Variants in PCDH15 observed in about 807,000 individuals in gnomAD.
PCDH15 encodes protocadherin related 15.
Under a neutral mutation model 178.5 loss-of-function variants are expected in PCDH15, and 129 were observed. That is an observed-to-expected ratio of 0.72 (90% CI 0.63 to 0.84). The LOEUF is 0.84. Ranked by LOEUF, PCDH15 falls within the 40% of genes least tolerant of loss-of-function variation. PCDH15 has a pLI of 0.00. For synonymous variants in PCDH15, 800 were observed against 732.0 expected, an observed-to-expected ratio of 1.09 and a Z score of -1.50; for missense variants, 2,230 against 2,099.9, an observed-to-expected ratio of 1.06 and a Z score of -1.21.
chr10:54,109,105 T>C (rs2094967704), intron 15 of PCDH15, among the ~76,000 whole-genome samples: 1 of 152,166 alleles, frequency 6.6e-6, no homozygotes, highest in African/African-American at 2.4e-5. Context: ...AGACTCCTTC[T>C]GCTTGAGAAA....
Position 55,111,945 on chromosome 10 carries a change from T to G in PCDH15, c.-80+54631A>C, listed in dbSNP as rs563587169. ...CATTATGATTACGTGCTGCATTCAA[T>G]AAGGTATGCAAATAATAATACATAA... On this transcript the variant is annotated intron_variant, in intron 2 of 5. Transcript: ENST00000458638. Among the ~76,000 whole-genome samples the G allele has an allele frequency of 1.1e-4, 16 of 152,312 alleles. 1 individual carries two copies. In the South Asian group the frequency reaches 3.1e-3, roughly 30 times the overall value.
At chr10:55,254,323 G>A (rs990408850) in intron 1 of PCDH15, among the ~76,000 whole-genome samples, 2 of 152,256 alleles carry the variant, frequency 1.3e-5, no homozygotes, top group East Asian at 1.9e-4. Context: ...GTTATAAAAT[G>A]GATGTCTCTT....
intron 18 of PCDH15, among the ~76,000 whole-genome samples, chr10:54,041,930 C>G (rs2093555635): frequency 6.6e-6 from 1 of 152,060 alleles, no homozygotes; most frequent in Non-Finnish European, 1.5e-5. Flanking sequence ...ACAATAGATA[C>G]AGTACCTCTT....
intron 2 of PCDH15, among the ~76,000 whole-genome samples, chr10:54,576,941 C>A (rs1470102933): frequency 9.8e-5 from 2 of 20,424 alleles, no homozygotes; most frequent in African/African-American, 2.2e-4. Flanking sequence ...TTAAAGACCA[C>A]CAAGTTATTT....
intron 1 of PCDH15, among the ~76,000 whole-genome samples, chr10:54,754,057 T>C (rs1452050093): frequency 6.6e-6 from 1 of 151,744 alleles, no homozygotes; most frequent in African/African-American, 2.4e-5. Context: ...CTCGATCTCC[T>C]GACCTCGTGA....
In PCDH15 at chr10:55,068,004, G is replaced by C. The variant is rs144004796; in HGVS notation, c.-80+98572C>G. ...CTGAATATTGTTCTCCTGTAAAATA[G>C]GTAGTTTCAAAATATTTTCTTATAT... On this transcript the variant is annotated intron_variant, in intron 2 of 5. Coordinates refer to the PCDH15 transcript ENST00000458638. Among the ~76,000 whole-genome samples the C allele has an allele frequency of 3.3e-5, 5 of 151,952 alleles. No homozygotes were observed. The East Asian group carries it at 9.7e-4, about 29-fold the overall frequency.
intron 2 of PCDH15, among the ~76,000 whole-genome samples, chr10:55,584,449 G>A (rs542695365): frequency 6.6e-6 from 1 of 151,756 alleles, no homozygotes; most frequent in African/African-American, 2.4e-5. Flanking sequence ...ACGAGGTCAA[G>A]AGATCGAGAC....
chr10:54,198,152 C>T (rs1328846656), intron 10 of PCDH15, among the ~76,000 whole-genome samples: 2 of 152,066 alleles, frequency 1.3e-5, no homozygotes, highest in African/African-American at 4.8e-5. Context: ...GCTGCTAATA[C>T]CATCAGTATG....
chr10:53,939,717 T>C (rs1589525242), intron 24 of PCDH15, among the ~76,000 whole-genome samples: 1 of 151,856 alleles, frequency 6.6e-6, no homozygotes, highest in African/African-American at 2.4e-5. Flanking sequence ...GCTAGAAGAG[T>C]AGTTAATACA....
chr10:55,465,897 A>G (rs1228864670), intron 2 of PCDH15, among the ~76,000 whole-genome samples: 1 of 152,220 alleles, frequency 6.6e-6, no homozygotes, highest in East Asian at 1.9e-4. Context: ...ATACAAGAAA[A>G]TTCTAACATC....
chr10:54,358,050 C>T lies in PCDH15; in HGVS notation c.474+11070G>A, dbSNP rs999819358. Among the ~76,000 whole-genome samples the T allele has an allele frequency of 8.8e-5, 13 of 147,440 alleles. 1 individual carries two copies. Among genetic ancestry groups the T allele is most frequent in the South Asian group, 4.2e-4 (2 of 4,772 alleles). ...AAAGACTTAAACATTAGACCTTAAA[C>T]GATAAAAAACCCTAGAAGAAAACCT... On this transcript the variant is annotated intron_variant, in intron 5 of 37. Coordinates refer to ENST00000644397, the MANE Select transcript of PCDH15 (RefSeq NM_001384140.1).
intron 26 of PCDH15, among the ~76,000 whole-genome samples, chr10:53,882,902 C>T (rs752902398): frequency 6.6e-6 from 1 of 151,940 alleles, no homozygotes; most frequent in Admixed American, 6.6e-5. Context: ...ATATAAAATG[C>T]TTTGTGCTTC....
chr10:54,499,898 T>C, intron 3 of PCDH15, among the ~76,000 whole-genome samples: 1 of 152,100 alleles, frequency 6.6e-6, no homozygotes, highest in South Asian at 2.1e-4. Context: ...TGGTGATTTC[T>C]CAAAGAACTT....
intron 26 of PCDH15, among the ~76,000 whole-genome samples, chr10:53,892,343 C>T (rs2081630231): frequency 6.6e-6 from 1 of 152,010 alleles, no homozygotes; most frequent in Non-Finnish European, 1.5e-5. Flanking sequence ...TTTGAAACAT[C>T]CAAGCTTCCC....
intron 2 of PCDH15, among the ~76,000 whole-genome samples, chr10:55,510,001 T>G (rs918812614): frequency 2.0e-5 from 3 of 151,964 alleles, no homozygotes; most frequent in African/African-American, 7.2e-5. Context: ...TCGAGTCTCC[T>G]GACTCCAAAA....
chr10:54,612,691 G>T (rs1343356052), intron 2 of PCDH15, among the ~76,000 whole-genome samples: 1 of 151,518 alleles, frequency 6.6e-6, no homozygotes, highest in Non-Finnish European at 1.5e-5. Flanking sequence ...AATAAAACTG[G>T]TTGCAGAAAT....
At chr10:53,972,864 A>G (rs953096087) in intron 21 of PCDH15, among the ~76,000 whole-genome samples, 4 of 152,304 alleles carry the variant, frequency 2.6e-5, no homozygotes, top group African/African-American at 9.6e-5. Flanking sequence ...TAGTTCAACC[A>G]TTGTGGAAGA....
At chr10:54,732,157 A>T (rs1162774849) in intron 1 of PCDH15, among the ~76,000 whole-genome samples, 1 of 151,438 alleles carries the variant, frequency 6.6e-6, no homozygotes, top group Non-Finnish European at 1.5e-5. Flanking sequence ...TCAAAGCAGC[A>T]CAGTAGAATA....
At chr10:55,280,558 G>A (rs2132256895) in intron 1 of PCDH15, among the ~76,000 whole-genome samples, 1 of 150,698 alleles carries the variant, frequency 6.6e-6, no homozygotes, top group Non-Finnish European at 1.5e-5. Flanking sequence ...CAAAGTGCTG[G>A]GATTACAGGC....
Sources: gnomAD v4.1 joint callset for allele counts (sites outside exome capture counted in the v4.1 genomes callset) on GRCh38, gnomAD v4.1.1 for gene constraint, MANE v1.5 for transcripts, NCBI Gene and HGNC (gene_info 2026-07-23, HGNC 2026-07-21) for gene names.